Variants in PCDHGA4 observed in about 807,000 individuals in gnomAD.
PCDHGA4 encodes protocadherin gamma subfamily A, 4.
Under a neutral mutation model 54.6 loss-of-function variants are expected in PCDHGA4, and 38 were observed. The observed-to-expected ratio is 0.70, with a 90% CI of 0.54 to 0.91. The LOEUF (loss-of-function observed/expected upper bound fraction) is 0.91, where lower values mean the gene tolerates loss of function less well. PCDHGA4 is among the 40% of genes least tolerant of loss of function. PCDHGA4 has a pLI of 0.00. For missense variants in PCDHGA4, 1,298 were observed against 1,220.9 expected (o/e 1.06, Z -0.94); for synonymous variants, 511 against 512.9 (o/e 1.00, Z 0.05).
chr5:141,372,773 T>G (rs1220480316), intron 1 of PCDHGA4: 1 of 1,610,720 alleles, frequency 6.2e-7, no homozygotes, highest in Non-Finnish European at 8.5e-7. Flanking sequence ...GTAATGACAA[T>G]CCAGAAATGC....
chr5:141,361,672 G>A (rs1177746611), intron 1 of PCDHGA4: 17 of 1,613,566 alleles, frequency 1.1e-5, no homozygotes, highest in Non-Finnish European at 1.4e-5. Context: ...GCAGAGCGGG[G>A]TGGTGTTCGC....
chr5:141,365,231 A>G, intron 1 of PCDHGA4: 1 of 1,613,980 alleles, frequency 6.2e-7, no homozygotes, highest in Non-Finnish European at 8.5e-7. Flanking sequence ...CCTGGGGGAA[A>G]TCTCAACTCT....
At chr5:141,433,604 G>A (rs2097631609) in intron 1 of PCDHGA4, among the ~76,000 whole-genome samples, 1 of 152,138 alleles carries the variant, frequency 6.6e-6, no homozygotes, top group Non-Finnish European at 1.5e-5. Flanking sequence ...GGGAGGCCGA[G>A]GCGGGTGGAT....
intron 1 of PCDHGA4, chr5:141,370,325 G>A (rs1414705045): frequency 5.0e-6 from 7 of 1,390,940 alleles, no homozygotes; most frequent in Non-Finnish European, 6.8e-6. Context: ...GGTCCTGCTC[G>A]GAGAACTCTT....
Position 141,486,799 on chromosome 5 carries a change from C to A in PCDHGA4, c.2515-8008C>A. The A allele has an allele frequency of 6.2e-7, 1 of 1,614,220 alleles. No individual in the cohort carries two copies. Among genetic ancestry groups the A allele is most frequent in the African/African-American group, 1.3e-5 (1 of 75,060 alleles). ...AGGTGCAGGCCCGGGATCGGGGCAA[C>A]CCACCCCTTAGCAGCACTGTAACAG... On this transcript the variant is annotated intron_variant, in intron 1 of 3. Coordinates refer to ENST00000571252, the MANE Select transcript of PCDHGA4 (RefSeq NM_018917.4). This position sits in a 1 kb window ranked among gnomAD's most constrained non-coding sequence, Gnocchi z 5.0.
chr5:141,361,638 T>G (rs756163399), intron 1 of PCDHGA4: 5 of 1,613,826 alleles, frequency 3.1e-6, no homozygotes, highest in East Asian at 2.2e-5. Context: ...CGCGGGAGAT[T>G]TTATCCTACG....
chr5:141,376,050 C>G (rs1342484281), intron 1 of PCDHGA4: 4 of 1,613,234 alleles, frequency 2.5e-6, no homozygotes, highest in Non-Finnish European at 3.4e-6. Flanking sequence ...CCTCTCTCCG[C>G]CACTGTCACG....
At chr5:141,383,712 G>A (rs895145051) in intron 1 of PCDHGA4, 2 of 1,613,970 alleles carry the variant, frequency 1.2e-6, no homozygotes, top group African/African-American at 2.7e-5. Flanking sequence ...ACCTGGACGA[G>A]GGAGTCAATG....
chr5:141,366,429 T>C (rs1316802460), intron 1 of PCDHGA4: 2 of 1,614,110 alleles, frequency 1.2e-6, no homozygotes, highest in Admixed American at 3.3e-5. Context: ...GTGGCTGCAG[T>C]CTCCTGCGTC....
chr5:141,360,997 G>A (rs766404886), intron 1 of PCDHGA4: 2 of 1,613,426 alleles, frequency 1.2e-6, no homozygotes, highest in Non-Finnish European at 1.7e-6. Context: ...GGACGAACAA[G>A]TGAAACACTT....
At position 141,494,925 on chromosome 5, in the gene PCDHGA4, G is replaced by A. The variant is rs936071950; in HGVS notation, c.2573+60G>A. On this transcript the variant is annotated intron_variant, in intron 2 of 3. Coordinates refer to ENST00000571252, the MANE Select transcript of PCDHGA4 (RefSeq NM_018917.4). ...TGCGGCATTTTCTCAGGGATGACGT[G>A]GGAGGAGATGGGGGAGGGCCCAGCA... is the stretch of plus-strand genomic sequence containing the variant. The A allele has an allele frequency of 3.3e-4, 525 of 1,613,316 alleles. 2 individuals carry two copies. Among genetic ancestry groups the A allele is most frequent in the Admixed American group, 4.7e-4 (28 of 59,956 alleles).
rs1364667381 is a variant in PCDHGA4, at chr5:141,355,397, T to G, written c.290T>G (p.Ile97Ser). The G allele has an allele frequency of 3.7e-6, 6 of 1,614,048 alleles. No individual in the cohort carries two copies. The South Asian group carries it at 6.6e-5, about 18-fold the overall frequency. The change falls in exon 1 of 4, where the codon ATC (isoleucine) becomes AGC (serine). Residue 97 changes from isoleucine to serine, a missense_variant. Coordinates refer to ENST00000571252, the MANE Select transcript of PCDHGA4 (RefSeq NM_018917.4). ...GAGCTGGCGGAGCGCGGAGTCCGCA[T>G]CGTCTCCAGAGGTAGGACGCAGCTT... ...PRELAERGVR[I>S]VSRGRTQLFA... is the part of the protein sequence containing the mutation.
intron 2 of PCDHGA4, among the ~76,000 whole-genome samples, chr5:141,498,436 A>G (rs566463876): frequency 6.6e-6 from 1 of 152,268 alleles, no homozygotes; most frequent in East Asian, 1.9e-4. Flanking sequence ...GGGGATGAAG[A>G]GGAGAGGTTC....
chr5:141,408,298 G>T (rs778209794), intron 1 of PCDHGA4: 1 of 1,613,704 alleles, frequency 6.2e-7, no homozygotes, highest in South Asian at 1.1e-5. Context: ...TGAGTGAGCC[G>T]ATCCGCTACT....
At chr5:141,384,071 CT>C in intron 1 of PCDHGA4, 1 of 1,603,192 alleles carries the variant, frequency 6.2e-7, no homozygotes. Context: ...GAAAACCTAC[CT>C]TTTAAATTAG....
At chr5:141,501,290 TACACACACACACACACAC>T (rs55762287) in intron 2 of PCDHGA4, among the ~76,000 whole-genome samples, 6 of 136,162 alleles carry the variant, frequency 4.4e-5, no homozygotes, top group South Asian at 2.4e-4. Flanking sequence ...TATTCCCTTA[TACACACACACACACACAC>T]ACACACACAC....
intron 1 of PCDHGA4, among the ~76,000 whole-genome samples, chr5:141,438,976 C>T (rs2098079529): frequency 6.6e-6 from 1 of 151,928 alleles, no homozygotes; most frequent in Non-Finnish European, 1.5e-5. Context: ...AACTGTCTGA[C>T]TTATCTTAAA....
intron 2 of PCDHGA4, among the ~76,000 whole-genome samples, chr5:141,503,886 T>G (rs150106838): frequency 8.2e-4 from 125 of 152,290 alleles, no homozygotes; most frequent in African/African-American, 2.9e-3. Flanking sequence ...TCACCCACCA[T>G]GACAAAATAT....
chr5:141,456,783 C>G (rs1400541298), intron 1 of PCDHGA4, among the ~76,000 whole-genome samples: 3 of 151,802 alleles, frequency 2.0e-5, no homozygotes, highest in African/African-American at 4.8e-5. Flanking sequence ...GCCTACATGG[C>G]AAAACCCCAT....
Sources: gnomAD v4.1 joint callset for allele counts (sites outside exome capture counted in the v4.1 genomes callset) on GRCh38, gnomAD v4.1.1 for gene constraint, Gnocchi (gnomAD v3.1) non-coding constraint, MANE v1.5 for transcripts, NCBI Gene and HGNC (gene_info 2026-07-23, HGNC 2026-07-21) for gene names.